Variants in FAM163B observed in about 807,000 individuals in gnomAD.
FAM163B encodes protein FAM163B.
Under a neutral mutation model 7.6 loss-of-function variants are expected in FAM163B, and 4 were observed. The ratio of observed to expected loss-of-function variants is 0.52; its 90% CI spans 0.26 to 1.20. The LOEUF (loss-of-function observed/expected upper bound fraction) is 1.20. FAM163B is among the 50% of genes most tolerant of loss of function. FAM163B has a pLI of 0.14. For missense variants in FAM163B, 250 were observed against 243.0 expected (o/e 1.03, Z -0.19); for synonymous variants, 120 against 111.6 (o/e 1.07, Z -0.47).
At chr9:133,585,413 T>G (rs1831420082) in intron 1 of FAM163B, among the ~76,000 whole-genome samples, 1 of 152,206 alleles carries the variant, frequency 6.6e-6, no homozygotes, top group African/African-American at 2.4e-5. Context: ...TCCCCCTCAC[T>G]TGCCGTAAAG....
At chr9:133,583,804 T>G (rs1323978257) in intron 1 of FAM163B, among the ~76,000 whole-genome samples, 2 of 152,200 alleles carry the variant, frequency 1.3e-5, no homozygotes, top group African/African-American at 4.8e-5. Flanking sequence ...CTGGTCCAGC[T>G]GGAGCCTCTC....
At chr9:133,596,048 T>C (rs1163200926) in intron 1 of FAM163B, among the ~76,000 whole-genome samples, 2 of 151,440 alleles carry the variant, frequency 1.3e-5, no homozygotes, top group African/African-American at 2.4e-5. Context: ...AAGGCAGGCA[T>C]GGTGGGGTGG....
chr9:133,608,018 G>A (rs979752126), intron 1 of FAM163B, among the ~76,000 whole-genome samples: 1 of 152,210 alleles, frequency 6.6e-6, no homozygotes, highest in Non-Finnish European at 1.5e-5. Flanking sequence ...TGCTTTCCCA[G>A]CAACCCTGAA....
chr9:133,578,779 G>A lies in FAM163B; in HGVS notation c.*243C>T. ...TGGTGCATGCCCAGCCGGCTGTATG[G>A]TCACCTGGTCCTTCTAGCCCCAGGC... On this transcript the variant is annotated 3_prime_UTR_variant, in exon 3 of 3. Transcript: ENST00000673969. 1 of 625,974 alleles carries A rather than the reference G, an allele frequency of 1.6e-6. No individual in the cohort carries two copies. Among genetic ancestry groups the A allele is most frequent in the Non-Finnish European group, 2.5e-6 (1 of 405,698 alleles). 38.8% of individuals were successfully genotyped at this position (625,974 alleles called of 1,614,324 possible).
chr9:133,586,233 C>T (rs1831436018), intron 1 of FAM163B: 1 of 152,218 alleles, frequency 6.6e-6, no homozygotes, highest in Non-Finnish European at 1.5e-5. Context: ...CCCAACAGCA[C>T]CTGGAATGTC....
chr9:133,594,568 C>T (rs1012358784), intron 1 of FAM163B, among the ~76,000 whole-genome samples: 12 of 152,184 alleles, frequency 7.9e-5, no homozygotes, highest in Admixed American at 2.0e-4. Context: ...CCTCTGTCTG[C>T]ACCACATGTT....
intron 1 of FAM163B, among the ~76,000 whole-genome samples, chr9:133,588,091 G>A (rs905336676): frequency 3.3e-5 from 5 of 152,172 alleles, no homozygotes; most frequent in South Asian, 2.1e-4. Flanking sequence ...AGAAGTCCCC[G>A]CACCCTGAGC....
intron 1 of FAM163B, among the ~76,000 whole-genome samples, chr9:133,590,466 C>T (rs1354788663): frequency 6.6e-6 from 1 of 151,802 alleles, no homozygotes; most frequent in Non-Finnish European, 1.5e-5. Flanking sequence ...TAGGCACAGC[C>T]GGCGCAGGCA....
At position 133,579,014 on chromosome 9, in the gene FAM163B, G is replaced by A. The variant is rs1315600655; in HGVS notation, c.*8C>T. 4.0e-6 allele frequency: 6 copies of A among 1,502,442 alleles called. No individual in the cohort carries two copies. Among genetic ancestry groups the A allele is most frequent in the Non-Finnish European group, 5.3e-6 (6 of 1,125,772 alleles). 93.1% of individuals were successfully genotyped at this position (1,502,442 alleles called of 1,614,324 possible). A position where few individuals can be genotyped will look rare whatever the true frequency, so the allele number is the denominator to read the frequency against. On this transcript the variant is annotated 3_prime_UTR_variant, in exon 3 of 3. Coordinates refer to ENST00000673969, the MANE Select transcript of FAM163B (RefSeq NM_001080515.3). ...CTTCAAGGCCAGGATCCCGGGGGCG[G>A]GCCCAGGTCACACGTCGGTGCTGAT...
Position 133,579,118 on chromosome 9 carries a change from C to T in FAM163B, c.405G>A (p.Pro135=), listed in dbSNP as rs11507482. The change falls in exon 3 of 3, where the codon CCG becomes CCA. Residue 135 remains proline, a synonymous_variant. Coordinates refer to ENST00000673969, the MANE Select transcript of FAM163B (RefSeq NM_001080515.3). ...GCGCCTGCAGGCCCCCGAAGCCCCCCGGGGGCAGCTCCACGTCCTCCTGGC... is the reference window on the plus strand; with the variant it reads ...GCGCCTGCAGGCCCCCGAAGCCCCCTGGGGGCAGCTCCACGTCCTCCTGGC... ...SVSQEDVELP[P]GGFGGLQALN... is the part of the protein sequence containing the mutation. 1.1e-5 allele frequency: 17 copies of T among 1,607,282 alleles called. No individual in the cohort carries two copies. Among genetic ancestry groups the T allele is most frequent in the South Asian group, 2.2e-5 (2 of 90,784 alleles).
At chr9:133,607,814 G>C (rs1831808205) in intron 1 of FAM163B, among the ~76,000 whole-genome samples, 1 of 152,178 alleles carries the variant, frequency 6.6e-6, no homozygotes. Context: ...CCGAGCCTTA[G>C]GGTGAGATTT....
At chr9:133,579,540 G>T in intron 2 of FAM163B, 111 bp from the exon 3 acceptor site, 7 of 1,381,448 alleles carry the variant, frequency 5.1e-6, no homozygotes, top group Non-Finnish European at 6.8e-6. Flanking sequence ...TGGGAGTGGG[G>T]TGGCCCAAGC....
intron 1 of FAM163B, among the ~76,000 whole-genome samples, chr9:133,588,418 G>T (rs900810708): frequency 6.6e-6 from 1 of 151,880 alleles, no homozygotes; most frequent in African/African-American, 2.4e-5. Context: ...AGTTGTGGCC[G>T]CTGCTGTCAG....
chr9:133,598,352 A>C (rs1831661111), intron 1 of FAM163B, among the ~76,000 whole-genome samples: 1 of 152,006 alleles, frequency 6.6e-6, no homozygotes, highest in Non-Finnish European at 1.5e-5. Flanking sequence ...ACCAACCCTG[A>C]ACCGTATGCA....
chr9:133,595,644 C>T (rs1315424057), intron 1 of FAM163B, among the ~76,000 whole-genome samples: 1 of 152,116 alleles, frequency 6.6e-6, no homozygotes, highest in African/African-American at 2.4e-5. Context: ...CTCAGGTTCC[C>T]CTTCCTTCCC....
At chr9:133,597,204 G>C (rs1564196147) in intron 1 of FAM163B, among the ~76,000 whole-genome samples, 1 of 152,164 alleles carries the variant, frequency 6.6e-6, no homozygotes, top group African/African-American at 2.4e-5. Flanking sequence ...GGAGACAAGG[G>C]TATTAAAATA....
intron 1 of FAM163B, among the ~76,000 whole-genome samples, chr9:133,580,634 T>C (rs1199770227): frequency 4.6e-5 from 7 of 152,246 alleles, no homozygotes; most frequent in African/African-American, 4.8e-5. Flanking sequence ...GCCGAACATA[T>C]GGTTTTGTAA....
intron 1 of FAM163B, among the ~76,000 whole-genome samples, chr9:133,588,092 C>A (rs1360625920): frequency 6.6e-6 from 1 of 152,194 alleles, no homozygotes; most frequent in Non-Finnish European, 1.5e-5. Flanking sequence ...GAAGTCCCCG[C>A]ACCCTGAGCT....
At position 133,606,738 on chromosome 9, in the gene FAM163B, GGGCTC is replaced by G. The variant is rs769560689; in HGVS notation, c.-24+2334_-24+2338del. On this transcript the variant is annotated intron_variant, in intron 1 of 2. Transcript: ENST00000673969. The surrounding 1 kb of genome is among the most constrained non-coding windows in gnomAD (Gnocchi z 4.0). ...AGGAGCGGAGTGGAGGACAGAACAAGGGCTCGGCTGCTGCTCTGCCTCCCCTCCTG... is the reference window on the plus strand; with the variant it reads ...AGGAGCGGAGTGGAGGACAGAACAAGGGCTGCTGCTCTGCCTCCCCTCCTG... 6.6e-6 allele frequency among the ~76,000 whole-genome samples: 1 copy of G among 152,220 alleles called. No individual in the cohort carries two copies. The highest frequency in any genetic ancestry group is 6.5e-5 in the Admixed American group (1 of 15,290).
Sources: allele counts gnomAD v4.1 joint callset (sites outside exome capture counted in the v4.1 genomes callset), GRCh38; gene constraint gnomAD v4.1.1; non-coding constraint Gnocchi (gnomAD v3.1); transcripts MANE v1.5; gene names NCBI Gene and HGNC (gene_info 2026-07-23, HGNC 2026-07-21).